Variants in FSTL4 observed in about 807,000 individuals in gnomAD.
FSTL4 encodes follistatin-related protein 4.
A neutral mutation model predicts 78.2 loss-of-function variants in FSTL4; 28 were observed. That is an observed-to-expected ratio of 0.36 (90% CI 0.27 to 0.49). The LOEUF is 0.49. FSTL4 is among the 20% of genes least tolerant of loss of function. The pLI is 0.98. For synonymous variants in FSTL4, 422 were observed against 440.5 expected, an observed-to-expected ratio of 0.96 and a Z score of 0.53; for missense variants, 922 against 1,084.9, an observed-to-expected ratio of 0.85 and a Z score of 2.11.
At chr5:133,693,793 C>T in the FSTL4 span, among the ~76,000 whole-genome samples, 1 of 152,152 alleles carries the variant, frequency 6.6e-6, no homozygotes, top group African/African-American at 2.4e-5. Context: ...GGTTGGAGAC[C>T]CTGGAGTTCT....
chr5:133,712,587 G>A, the FSTL4 span, among the ~76,000 whole-genome samples: 14 of 152,362 alleles, frequency 9.2e-5, no homozygotes, highest in Admixed American at 5.2e-4. Flanking sequence ...TGAGAACAGT[G>A]CCTGGCTCCA....
intron 6 of FSTL4, among the ~76,000 whole-genome samples, chr5:133,270,897 A>G (rs969199044): frequency 3.9e-5 from 6 of 152,210 alleles, no homozygotes; most frequent in Admixed American, 1.3e-4. Flanking sequence ...GACGAGTTTA[A>G]TAACTCACAA....
chr5:133,385,003 C>G (rs1022714528), intron 4 of FSTL4, among the ~76,000 whole-genome samples: 3 of 152,180 alleles, frequency 2.0e-5, no homozygotes, highest in African/African-American at 7.2e-5. Context: ...GATGGCACCC[C>G]CTTTTGGAGG....
At chr5:133,321,106 A>G (rs377066292) in intron 4 of FSTL4, among the ~76,000 whole-genome samples, 2 of 151,448 alleles carry the variant, frequency 1.3e-5, no homozygotes, top group South Asian at 2.1e-4. Context: ...AGCCCTGCCC[A>G]CCTGCCCAGC....
At chr5:133,640,515 G>A in the FSTL4 span, among the ~76,000 whole-genome samples, 2 of 152,276 alleles carry the variant, frequency 1.3e-5, no homozygotes, top group East Asian at 3.9e-4. Context: ...GTACACTCCT[G>A]GCTCTGAGAC....
At chr5:133,607,183 A>G (rs1760995357) in intron 1 of FSTL4, among the ~76,000 whole-genome samples, 1 of 152,144 alleles carries the variant, frequency 6.6e-6, no homozygotes, top group Non-Finnish European at 1.5e-5. Flanking sequence ...TGCACTGTGG[A>G]TGTGTTTTAG....
rs1429456665 is a variant in FSTL4, at chr5:133,363,941, G to A, written c.409+36797C>T. Among the ~76,000 whole-genome samples the A allele has an allele frequency of 4.6e-5, 7 of 152,262 alleles. 1 individual carries two copies. In the East Asian group the frequency reaches 7.7e-4, roughly 17 times the overall value. On this transcript the variant is annotated intron_variant, in intron 4 of 15. Coordinates refer to ENST00000265342, the MANE Select transcript of FSTL4 (RefSeq NM_015082.2). ...ATGGCTGGGTTAATTCATAGACGGCGGCTCAGAGGGCACTGAATTAACACT... is the reference window on the plus strand; with the variant it reads ...ATGGCTGGGTTAATTCATAGACGGCAGCTCAGAGGGCACTGAATTAACACT...
chr5:133,627,679 T>G, the FSTL4 span, among the ~76,000 whole-genome samples: 1 of 152,222 alleles, frequency 6.6e-6, no homozygotes, highest in Non-Finnish European at 1.5e-5. Context: ...GATTATGTTT[T>G]TTAATCCATT....
At chr5:133,817,102 C>G in the FSTL4 span, among the ~76,000 whole-genome samples, 2 of 152,280 alleles carry the variant, frequency 1.3e-5, no homozygotes, top group Admixed American at 6.5e-5. Flanking sequence ...GAAACAAACT[C>G]TCATGTGTTG....
chr5:133,543,687 G>A (rs1759520132), intron 3 of FSTL4, among the ~76,000 whole-genome samples: 1 of 151,616 alleles, frequency 6.6e-6, no homozygotes, highest in South Asian at 2.1e-4. Context: ...AGATATGTTT[G>A]TTTGTTTGTC....
intron 6 of FSTL4, among the ~76,000 whole-genome samples, chr5:133,258,215 C>A (rs1752430980): frequency 6.6e-6 from 1 of 152,212 alleles, no homozygotes; most frequent in Non-Finnish European, 1.5e-5. Context: ...GGCCACACAA[C>A]CTCTGTGTCA....
intron 4 of FSTL4, among the ~76,000 whole-genome samples, chr5:133,337,102 G>A (rs1228543415): frequency 6.6e-6 from 1 of 152,260 alleles, no homozygotes; most frequent in Non-Finnish European, 1.5e-5. Context: ...GGCCCACAGT[G>A]CTCGATTTGG....
At chr5:133,296,734 C>A (rs535929320) in intron 6 of FSTL4, among the ~76,000 whole-genome samples, 5 of 152,338 alleles carry the variant, frequency 3.3e-5, no homozygotes, top group African/African-American at 9.6e-5. Flanking sequence ...AAAGTACTAC[C>A]CACGTTGTAA....
At chr5:133,755,678 A>G in the FSTL4 span, among the ~76,000 whole-genome samples, 1 of 152,152 alleles carries the variant, frequency 6.6e-6, no homozygotes, top group Non-Finnish European at 1.5e-5. Context: ...ACCCTTCTCC[A>G]TGTAGATCAT....
intron 6 of FSTL4, chr5:133,266,749 G>T (rs1017617879): frequency 2.0e-5 from 3 of 152,306 alleles, no homozygotes; most frequent in Non-Finnish European, 4.4e-5. Flanking sequence ...AGGAAAGCTG[G>T]ATCAGGCCTA....
At chr5:133,775,728 C>T in the FSTL4 span, among the ~76,000 whole-genome samples, 2 of 152,086 alleles carry the variant, frequency 1.3e-5, no homozygotes, top group African/African-American at 4.8e-5. Context: ...CTGTCTTGAC[C>T]CACACCTCAT....
At chr5:133,780,767 T>C in the FSTL4 span, among the ~76,000 whole-genome samples, 1 of 150,588 alleles carries the variant, frequency 6.6e-6, no homozygotes, top group Non-Finnish European at 1.5e-5. Flanking sequence ...CATTTTCCTG[T>C]TGGGAAATTG....
chr5:133,267,404 G>A (rs771248790), intron 6 of FSTL4, among the ~76,000 whole-genome samples: 4 of 152,194 alleles, frequency 2.6e-5, no homozygotes, highest in African/African-American at 7.2e-5. Context: ...TCTTCACAAA[G>A]CACGCTCATA....
chr5:133,636,997 G>T, the FSTL4 span, among the ~76,000 whole-genome samples: 8 of 152,182 alleles, frequency 5.3e-5, no homozygotes, highest in Non-Finnish European at 1.2e-4. Context: ...AATCTGCACT[G>T]TTTGGCTGGA....
Sources: allele counts gnomAD v4.1 joint callset (sites outside exome capture counted in the v4.1 genomes callset), GRCh38; gene constraint gnomAD v4.1.1; transcripts MANE v1.5; gene names NCBI Gene and HGNC (gene_info 2026-07-23, HGNC 2026-07-21).